Variants in FHIT observed in about 807,000 individuals in gnomAD.
The protein encoded by FHIT is bis(5'-adenosyl)-triphosphatase.
Under a neutral mutation model 17.9 loss-of-function variants are expected in FHIT, and 19 were observed. That is an observed-to-expected ratio of 1.06 (90% CI 0.74 to 1.56). The LOEUF is 1.56. Among genes scored for constraint, FHIT ranks in the 40% most tolerant of loss-of-function variants. The pLI, the probability that FHIT is intolerant of heterozygous loss-of-function variation, is 0.00. For synonymous variants in FHIT, 81 were observed against 69.7 expected (o/e 1.16, Z -0.81); for missense variants, 248 against 189.2 (o/e 1.31, Z -1.82).
intron 5 of FHIT, among the ~76,000 whole-genome samples, chr3:60,172,081 G>C (rs1701443779): frequency 6.6e-6 from 1 of 152,114 alleles, no homozygotes; most frequent in Admixed American, 6.6e-5. Context: ...AGGGGAGACA[G>C]GTATTATTCA....
rs186322332 is a variant in FHIT at position 60,091,501 on chromosome 3, T to C, written c.104-77349A>G. On this transcript the variant is annotated intron_variant, in intron 5 of 9. Transcript: ENST00000492590. ...TGTGATCTGGCACAGAACATTCTTC[T>C]CTGGAGCCACTCTTATAAAGAAGAG... Among the ~76,000 whole-genome samples the C allele has an allele frequency of 3.9e-4, 60 of 152,276 alleles. No homozygotes were observed. In the East Asian group the frequency reaches 7.7e-3, roughly 20 times the overall value.
intron 4 of FHIT, among the ~76,000 whole-genome samples, chr3:60,697,915 G>A (rs1034538242): frequency 2.6e-5 from 4 of 152,140 alleles, no homozygotes; most frequent in African/African-American, 9.7e-5. Context: ...GCAATGATGT[G>A]TCGTTTTTAT....
At chr3:59,790,465 C>T (rs1699500355) in intron 8 of FHIT, among the ~76,000 whole-genome samples, 1 of 151,912 alleles carries the variant, frequency 6.6e-6, no homozygotes, top group Non-Finnish European at 1.5e-5. Context: ...CTAACTTTTA[C>T]TTTCTATTTC....
chr3:60,963,817 C>A (rs1709579548), intron 3 of FHIT, among the ~76,000 whole-genome samples: 2 of 152,096 alleles, frequency 1.3e-5, no homozygotes, highest in Non-Finnish European at 2.9e-5. Flanking sequence ...AATTTCTATT[C>A]TTTTACATTT....
At chr3:60,339,076 CAT>C (rs1362717819) in intron 5 of FHIT, among the ~76,000 whole-genome samples, 1 of 152,116 alleles carries the variant, frequency 6.6e-6, no homozygotes, top group Non-Finnish European at 1.5e-5. Flanking sequence ...TGAATATACA[CAT>C]ATAATTTTAT....
chr3:61,056,939 AC>A (rs1249793983), intron 2 of FHIT, among the ~76,000 whole-genome samples: 1 of 152,200 alleles, frequency 6.6e-6, no homozygotes, highest in African/African-American at 2.4e-5. Context: ...GATAAAAAAA[AC>A]AAACTTACTA....
At chr3:60,833,785 C>T (rs1014062070) in intron 3 of FHIT, among the ~76,000 whole-genome samples, 1 of 152,132 alleles carries the variant, frequency 6.6e-6, no homozygotes, top group African/African-American at 2.4e-5. Context: ...ATAGCCACAC[C>T]CACTTCCCTC....
At chr3:60,173,882 C>CT (rs1701527739) in intron 5 of FHIT, among the ~76,000 whole-genome samples, 1 of 25,984 alleles carries the variant, frequency 3.8e-5, no homozygotes, top group South Asian at 1.1e-3. Context: ...CTCCATGTTT[C>CT]TAATATATAT....
Position 60,431,463 on chromosome 3 carries a change from C to T in FHIT, c.103+105397G>A, listed in dbSNP as rs530596044. On this transcript the variant is annotated intron_variant, in intron 5 of 9. Coordinates refer to ENST00000492590, the MANE Select transcript of FHIT (RefSeq NM_002012.4). ...TAGCTGTCGCTGGCTGTTTCACTGA[C>T]CTATCTCTTGCCGACAGCTCCCTCA... Among the ~76,000 whole-genome samples the T allele has an allele frequency of 5.7e-4, 86 of 152,182 alleles. 2 individuals carry two copies. In the South Asian group the frequency reaches 0.016, roughly 28 times the overall value.
chr3:60,346,493 G>C (rs1045939953), intron 5 of FHIT, among the ~76,000 whole-genome samples: 5 of 152,198 alleles, frequency 3.3e-5, no homozygotes, highest in African/African-American at 4.8e-5. Flanking sequence ...CCCAGGGGAG[G>C]AGCCTGTGCT....
At chr3:61,037,073 G>A (rs1010323549) in intron 3 of FHIT, among the ~76,000 whole-genome samples, 5 of 151,938 alleles carry the variant, frequency 3.3e-5, no homozygotes, top group African/African-American at 4.8e-5. Context: ...CACTGCACCC[G>A]GCTAATTTTT....
chr3:60,625,139 G>C lies in FHIT; in HGVS notation c.-17-88160C>G, dbSNP rs149807290. ...GCCCAGACTGGTCTTGAACTTCTGA[G>C]CTCAAGTGATCCACTCGCCTCAGCC... On this transcript the variant is annotated intron_variant, in intron 4 of 9. Transcript: ENST00000492590. Among the ~76,000 whole-genome samples the C allele has an allele frequency of 3.8e-3, 582 of 152,226 alleles. 4 individuals are homozygous for C. The highest frequency in any genetic ancestry group is 0.017 in the South Asian group (82 of 4,824).
chr3:60,375,185 G>T, intron 5 of FHIT, among the ~76,000 whole-genome samples: 1 of 151,814 alleles, frequency 6.6e-6, no homozygotes, highest in East Asian at 1.9e-4. Flanking sequence ...AATTGTGAGT[G>T]CCAGATTCAT....
At chr3:60,435,386 A>G (rs2594250) in intron 5 of FHIT, among the ~76,000 whole-genome samples, 105,349 of 152,014 alleles carry the variant, frequency 0.69, 37,154 homozygotes, top group Non-Finnish European at 0.75. Flanking sequence ...TCCTGATGTG[A>G]TTGAGGAGTT....
chr3:60,054,640 C>T (rs989281453), intron 5 of FHIT, among the ~76,000 whole-genome samples: 5 of 152,152 alleles, frequency 3.3e-5, no homozygotes, highest in Admixed American at 3.3e-4. Context: ...TCTGCCTGAT[C>T]TGCTTATTAA....
At chr3:60,091,946 A>G (rs78758454) in intron 5 of FHIT, among the ~76,000 whole-genome samples, 2,626 of 152,276 alleles carry the variant, frequency 0.017, 67 homozygotes, top group African/African-American at 0.06. Context: ...CTTTACAGCA[A>G]TGTGAGAACA....
intron 7 of FHIT, among the ~76,000 whole-genome samples, chr3:59,966,535 A>C (rs1368688836): frequency 1.3e-5 from 2 of 152,184 alleles, no homozygotes; most frequent in Non-Finnish European, 2.9e-5. Context: ...CAGCTAGGCT[A>C]TATGCTATAC....
intron 5 of FHIT, among the ~76,000 whole-genome samples, chr3:60,272,916 T>A (rs886903645): frequency 6.6e-6 from 1 of 152,170 alleles, no homozygotes; most frequent in African/African-American, 2.4e-5. Context: ...CTCCCTTGAG[T>A]TGGTCCTTGA....
At chr3:59,835,115 A>G (rs1487542735) in intron 8 of FHIT, among the ~76,000 whole-genome samples, 1 of 152,112 alleles carries the variant, frequency 6.6e-6, no homozygotes. Context: ...AAGAGTTATA[A>G]TCTCCTCTCA....
Sources: gnomAD v4.1 joint callset for allele counts (sites outside exome capture counted in the v4.1 genomes callset) on GRCh38, gnomAD v4.1.1 for gene constraint, MANE v1.5 for transcripts, NCBI Gene and HGNC (gene_info 2026-07-23, HGNC 2026-07-21) for gene names.